Variants in SEC61B observed in about 807,000 individuals in gnomAD.
The protein encoded by SEC61B is SEC61 translocon subunit beta.
A neutral mutation model predicts 12.6 loss-of-function variants in SEC61B; 7 were observed. That is an observed-to-expected ratio of 0.55 (90% CI 0.32 to 1.04). The LOEUF (loss-of-function observed/expected upper bound fraction) is 1.04. SEC61B is among the 50% of genes least tolerant of loss of function. The probability of loss-of-function intolerance (pLI) is 0.05; values close to 1 mark genes in which losing one functional copy is unlikely to be tolerated. For missense variants in SEC61B, 107 were observed against 130.1 expected (o/e 0.82, Z 0.86); for synonymous variants, 54 against 50.1 (o/e 1.08, Z -0.33).
Position 99,222,581 on chromosome 9 carries a change from C to T in SEC61B, c.39C>T (p.Ser13=), listed in dbSNP as rs571978477. The T allele has an allele frequency of 2.1e-5, 33 of 1,562,904 alleles. No homozygotes were observed. The South Asian group carries it at 3.3e-4, about 15-fold the overall frequency. Reference sequence around the variant, plus strand: ...CCCCCAGTGGCACTAACGTGGGATCCTCAGGGCGCTCTCCCAGCAAAGCAG... The same window carrying T: ...CCCCCAGTGGCACTAACGTGGGATCTTCAGGGCGCTCTCCCAGCAAAGCAG... ...GPTPSGTNVG[S]SGRSPSKAVA... The change falls in exon 2 of 4, where the codon TCC becomes TCT. Residue 13 remains serine (S), a synonymous_variant. Transcript: ENST00000223641.
chr9:99,228,780 A>G (rs906059218), intron 3 of SEC61B, among the ~76,000 whole-genome samples: 1 of 152,218 alleles, frequency 6.6e-6, no homozygotes, highest in Non-Finnish European at 1.5e-5. Flanking sequence ...GTCTAGTTTG[A>G]TCTGCCCAGC....
intron 2 of SEC61B, chr9:99,222,970 A>G (rs538966953): frequency 4.0e-5 from 10 of 253,048 alleles, no homozygotes; most frequent in East Asian, 3.8e-4. Context: ...CCCATAAGCA[A>G]TCTGTCCTAC....
chr9:99,226,478 A>G (rs540458228), intron 2 of SEC61B, among the ~76,000 whole-genome samples: 69 of 152,266 alleles, frequency 4.5e-4, no homozygotes, highest in African/African-American at 1.5e-3. Flanking sequence ...TCATCAGCCC[A>G]CAGATACTGG....
chr9:99,224,671 A>T (rs1241888031), intron 2 of SEC61B, among the ~76,000 whole-genome samples: 1 of 152,226 alleles, frequency 6.6e-6, no homozygotes, highest in Non-Finnish European at 1.5e-5. Flanking sequence ...ATTCAGTGTG[A>T]TAGAGCTAGT....
Position 99,222,621 on chromosome 9 carries a change from G to C in SEC61B, c.79G>C (p.Ala27Pro). ...SPSKAVAARA[A>P]GSTVRQRKNA... The stretch of plus-strand genomic sequence containing the variant: ...CAGCAAAGCAGTGGCCGCCCGGGCG[G>C]CGGGATCCACTGTCCGGCAGAGGTA... Residue 27 changes from alanine (A) to proline (P), a missense_variant, in exon 2 of 4, where the codon GCG becomes CCG. Transcript: ENST00000223641. The C allele has an allele frequency of 6.5e-7, 1 of 1,549,916 alleles. No individual in the cohort carries two copies. The highest frequency in any genetic ancestry group is 8.7e-7 in the Non-Finnish European group (1 of 1,146,924).
chr9:99,222,690 C>T (rs201622373), intron 2 of SEC61B, 47 bp downstream of exon 2: 13 of 1,304,060 alleles, frequency 1.0e-5, no homozygotes, highest in Middle Eastern at 3.8e-4. Flanking sequence ...GAGATAGGAC[C>T]CAGAACCTCG....
intron 2 of SEC61B, among the ~76,000 whole-genome samples, chr9:99,224,391 T>C (rs1828873821): frequency 6.6e-6 from 1 of 152,158 alleles, no homozygotes; most frequent in Non-Finnish European, 1.5e-5. Flanking sequence ...CGTGCAGGAA[T>C]GGAAAACATG....
At chr9:99,226,448 C>T (rs892862373) in intron 2 of SEC61B, among the ~76,000 whole-genome samples, 2 of 152,146 alleles carry the variant, frequency 1.3e-5, no homozygotes, top group African/African-American at 2.4e-5. Flanking sequence ...TATGCCCTTC[C>T]CTTTTTCAAA....
At chr9:99,222,481 C>T (rs1564224764) in intron 1 of SEC61B, 65 bp from the exon 2 acceptor site, 7 of 1,604,484 alleles carry the variant, frequency 4.4e-6, no homozygotes, top group Middle Eastern at 1.6e-4. Context: ...GTGTGGGTGT[C>T]TAGGCCGGGG....
Position 99,227,989 on chromosome 9 carries a change from T to TG in SEC61B, c.195dup (p.Leu66AlafsTer77), listed in dbSNP as rs868450615. On this transcript the variant is annotated frameshift_variant, in exon 3 of 4. Coordinates refer to ENST00000223641, the MANE Select transcript of SEC61B (RefSeq NM_006808.3). LOFTEE classifies it high-confidence loss of function. ...GGCGATTCTACACAGAAGATTCACC[T>TG]GGGCTCAAAGTGTAAGTCTTAGGAA... 3.7e-6 allele frequency: 6 copies of TG among 1,613,518 alleles called. No homozygotes were observed. The African/African-American group carries it at 8.0e-5, about 22-fold the overall frequency.
intron 2 of SEC61B, 159 bp downstream of exon 2, chr9:99,222,802 G>A (rs1160825245): frequency 1.8e-6 from 1 of 570,492 alleles, no homozygotes; most frequent in African/African-American, 1.9e-5. Flanking sequence ...TTGGGAGGAA[G>A]GCGACATTTT....
intron 3 of SEC61B, 63 bp downstream of exon 3, chr9:99,228,063 T>G: frequency 8.1e-7 from 1 of 1,231,844 alleles, no homozygotes; most frequent in South Asian, 1.3e-5. Flanking sequence ...GTGGCAGCAC[T>G]CTGTCTCTGT....
chr9:99,226,433 C>T (rs1158500122), intron 2 of SEC61B, among the ~76,000 whole-genome samples: 1 of 152,182 alleles, frequency 6.6e-6, no homozygotes, highest in East Asian at 1.9e-4. Context: ...CTCTTCTTTT[C>T]CGTATATGCC....
chr9:99,224,788 GTTGT>G (rs1173610412), intron 2 of SEC61B, among the ~76,000 whole-genome samples: 2 of 152,150 alleles, frequency 1.3e-5, no homozygotes, highest in Non-Finnish European at 2.9e-5. Flanking sequence ...ATAAGTATTG[GTTGT>G]TTAAGAATAT....
At chr9:99,226,918 T>C (rs1164598034) in intron 2 of SEC61B, among the ~76,000 whole-genome samples, 1 of 152,114 alleles carries the variant, frequency 6.6e-6, no homozygotes, top group South Asian at 2.1e-4. Flanking sequence ...GGGTGTTCCC[T>C]GCGTTTTTTT....
intron 2 of SEC61B, 106 bp downstream of exon 2, chr9:99,222,749 A>C: frequency 1.2e-6 from 1 of 801,276 alleles, no homozygotes; most frequent in Non-Finnish European, 1.9e-6. Flanking sequence ...CAAAGGCAAA[A>C]TGAGCTTCTA....
chr9:99,225,850 A>G (rs1307750465), intron 2 of SEC61B, among the ~76,000 whole-genome samples: 1 of 152,176 alleles, frequency 6.6e-6, no homozygotes, highest in Non-Finnish European at 1.5e-5. Context: ...GAGGTGTGAT[A>G]TTGTGGAAAT....
chr9:99,230,489 G>T lies in SEC61B; in HGVS notation c.*65G>T, dbSNP rs111320826. On this transcript the variant is annotated 3_prime_UTR_variant, in exon 4 of 4. Transcript: ENST00000223641. ...AAACCCAACATTTCTTGGACCAAAA[G>T]TATAGTGACTATCTGTTCATGAGAG... The T allele has an allele frequency of 9.8e-7, 1 of 1,022,712 alleles. No individual in the cohort carries two copies. Among genetic ancestry groups the T allele is most frequent in the African/African-American group, 1.6e-5 (1 of 62,936 alleles). The allele number at this position is 1,022,712 out of a possible 1,614,324, so 63.4% of individuals were successfully genotyped here.
intron 2 of SEC61B, among the ~76,000 whole-genome samples, chr9:99,226,273 T>C (rs753360298): frequency 1.3e-5 from 2 of 152,134 alleles, no homozygotes; most frequent in Non-Finnish European, 2.9e-5. Context: ...ACTCTCCCAC[T>C]CCGTCATGTA....
Sources: allele counts gnomAD v4.1 joint callset (sites outside exome capture counted in the v4.1 genomes callset), GRCh38; gene constraint gnomAD v4.1.1; transcripts MANE v1.5; gene names NCBI Gene and HGNC (gene_info 2026-07-23, HGNC 2026-07-21).